CAMKMT: variants seen among roughly 807,000 people sequenced by gnomAD.
CAMKMT encodes the protein calmodulin-lysine N-methyltransferase.
A neutral mutation model predicts 48.0 loss-of-function variants in CAMKMT; 53 were observed. That is an observed-to-expected ratio of 1.10 (90% CI 0.89 to 1.39). CAMKMT has a LOEUF of 1.39. Ranked by LOEUF, CAMKMT falls within the 40% of genes most tolerant of loss-of-function variation. The pLI is 0.00. For synonymous variants in CAMKMT, 165 were observed against 152.3 expected (o/e 1.08, Z -0.61); for missense variants, 428 against 402.7 (o/e 1.06, Z -0.54).
intron 3 of CAMKMT, among the ~76,000 whole-genome samples, chr2:44,476,971 G>A (rs1038854734): frequency 6.6e-6 from 1 of 152,120 alleles, no homozygotes; most frequent in Non-Finnish European, 1.5e-5. Flanking sequence ...ATGAAAGAAA[G>A]CTTTTATACA....
At chr2:44,465,863 C>T (rs914240361) in intron 3 of CAMKMT, among the ~76,000 whole-genome samples, 1 of 152,076 alleles carries the variant, frequency 6.6e-6, no homozygotes, top group African/African-American at 2.4e-5. Flanking sequence ...ATGCAAATAG[C>T]AACCAAAGGA....
intron 2 of CAMKMT, among the ~76,000 whole-genome samples, chr2:44,377,456 G>A (rs1285807771): frequency 2.0e-5 from 3 of 152,162 alleles, no homozygotes; most frequent in African/African-American, 7.2e-5. Flanking sequence ...ATAATATATT[G>A]TTGTATAAAG....
intron 3 of CAMKMT, among the ~76,000 whole-genome samples, chr2:44,426,077 T>C (rs1013097947): frequency 2.6e-5 from 4 of 152,174 alleles, no homozygotes; most frequent in Admixed American, 1.3e-4. Context: ...TGTTCATGAC[T>C]TAAAAAAAAT....
At chr2:44,547,015 T>C (rs1181420346) in intron 3 of CAMKMT, among the ~76,000 whole-genome samples, 2 of 152,154 alleles carry the variant, frequency 1.3e-5, no homozygotes, top group Non-Finnish European at 2.9e-5. Context: ...ATCCCTTGGG[T>C]TGGCTTGCTT....
At chr2:44,670,304 G>T (rs1344115379) in intron 3 of CAMKMT, among the ~76,000 whole-genome samples, 4 of 152,104 alleles carry the variant, frequency 2.6e-5, no homozygotes, top group African/African-American at 9.7e-5. Flanking sequence ...ACTGGGCTGG[G>T]TGTGGTGGCT....
At chr2:44,508,408 T>TA (rs1178617348) in intron 3 of CAMKMT, among the ~76,000 whole-genome samples, 3 of 152,168 alleles carry the variant, frequency 2.0e-5, no homozygotes, top group African/African-American at 4.8e-5. Context: ...AGTATACCTA[T>TA]AGGTATAGAA....
intron 3 of CAMKMT, among the ~76,000 whole-genome samples, chr2:44,527,387 TAA>T (rs989026519): frequency 7.0e-6 from 1 of 142,636 alleles, no homozygotes; most frequent in Non-Finnish European, 1.5e-5. Context: ...ATATAATATA[TAA>T]TATATATGTA....
At chr2:44,764,382 AG>A (rs1159251298) in intron 9 of CAMKMT, among the ~76,000 whole-genome samples, 1 of 125,556 alleles carries the variant, frequency 8.0e-6, no homozygotes, top group East Asian at 2.4e-4. Flanking sequence ...ATCTTACATC[AG>A]TATAATCTTT....
At chr2:44,371,723 A>G (rs931793188) in intron 1 of CAMKMT, among the ~76,000 whole-genome samples, 6 of 152,192 alleles carry the variant, frequency 3.9e-5, no homozygotes, top group African/African-American at 7.2e-5. Flanking sequence ...CAAATCTCAG[A>G]TGTCATTTTT....
At chr2:44,742,665 T>C (rs1679743047) in intron 7 of CAMKMT, among the ~76,000 whole-genome samples, 1 of 152,176 alleles carries the variant, frequency 6.6e-6, no homozygotes, top group Non-Finnish European at 1.5e-5. Flanking sequence ...CATTAATATA[T>C]ATTAATGTAT....
chr2:44,495,702 T>G (rs1558656634), intron 3 of CAMKMT, among the ~76,000 whole-genome samples: 1 of 152,202 alleles, frequency 6.6e-6, no homozygotes, highest in Non-Finnish European at 1.5e-5. Flanking sequence ...AAGGCAGATT[T>G]GGACCCAGCC....
chr2:44,502,674 G>A (rs536003246), intron 3 of CAMKMT, among the ~76,000 whole-genome samples: 1 of 152,126 alleles, frequency 6.6e-6, no homozygotes, highest in African/African-American at 2.4e-5. Context: ...GTTCATAAAG[G>A]TATTTATTTT....
intron 3 of CAMKMT, among the ~76,000 whole-genome samples, chr2:44,399,976 G>C (rs1393438446): frequency 3.3e-5 from 5 of 152,202 alleles, no homozygotes; most frequent in Non-Finnish European, 1.5e-5. Flanking sequence ...GAAAGAGAAA[G>C]ATTGGAAGCT....
intron 3 of CAMKMT, among the ~76,000 whole-genome samples, chr2:44,395,607 T>C (rs17498592): frequency 0.019 from 2,947 of 152,286 alleles, 40 homozygotes; most frequent in Non-Finnish European, 0.031. Context: ...AGCTGTGTAA[T>C]TGTAGACGAG....
intron 2 of CAMKMT, among the ~76,000 whole-genome samples, chr2:44,385,971 G>C (rs1374179426): frequency 6.6e-6 from 1 of 152,084 alleles, no homozygotes; most frequent in African/African-American, 2.4e-5. Flanking sequence ...TTTGGTATTA[G>C]AGTGATGCTG....
chr2:44,427,486 A>G (rs1684347892), intron 3 of CAMKMT, among the ~76,000 whole-genome samples: 1 of 152,256 alleles, frequency 6.6e-6, no homozygotes, highest in South Asian at 2.1e-4. Context: ...AAAAGTGGGC[A>G]AAGGACACGA....
At chr2:44,404,222 A>T (rs183615195) in intron 3 of CAMKMT, among the ~76,000 whole-genome samples, 52 of 152,260 alleles carry the variant, frequency 3.4e-4, no homozygotes, top group African/African-American at 1.2e-3. Flanking sequence ...ATAAATTAGG[A>T]TATGATTATT....
In CAMKMT at chr2:44,545,081, C is replaced by T. The variant is rs75994583; in HGVS notation, c.376+154776C>T. Among the ~76,000 whole-genome samples, 466 of 152,324 alleles carry T rather than the reference C, an allele frequency of 3.1e-3. 2 individuals carry two copies. Among genetic ancestry groups the T allele is most frequent in the African/African-American group, 0.011 (439 of 41,558 alleles). On this transcript the variant is annotated intron_variant, in intron 3 of 10. Transcript: ENST00000378494. ...CAAGCTTTAGATGACAACCAACTTACATTTACCTATTCAGATATAATAAAC... is the reference window on the plus strand; with the variant it reads ...CAAGCTTTAGATGACAACCAACTTATATTTACCTATTCAGATATAATAAAC...
At chr2:44,580,944 C>T (rs569479544) in intron 3 of CAMKMT, among the ~76,000 whole-genome samples, 1 of 152,242 alleles carries the variant, frequency 6.6e-6, no homozygotes, top group East Asian at 1.9e-4. Flanking sequence ...CGGCTGCTTG[C>T]CTGTTGACCT....
Sources: allele counts gnomAD v4.1 joint callset (sites outside exome capture counted in the v4.1 genomes callset), GRCh38; gene constraint gnomAD v4.1.1; transcripts MANE v1.5; gene names NCBI Gene and HGNC (gene_info 2026-07-23, HGNC 2026-07-21).